The following PRKN variants were observed in gnomAD, a reference collection of about 807,000 sequenced individuals.
PRKN encodes parkin RBR E3 ubiquitin protein ligase.
In PRKN, 56 loss-of-function variants were observed where a neutral mutation model predicts 59.5. That is an observed-to-expected ratio of 0.94 (90% CI 0.76 to 1.18). The LOEUF (loss-of-function observed/expected upper bound fraction) is 1.18. Among genes scored for constraint, PRKN ranks in the 50% most tolerant of loss-of-function variants. The pLI, the probability that PRKN is intolerant of heterozygous loss-of-function variation, is 0.00. For synonymous variants in PRKN, 250 were observed against 222.1 expected (o/e 1.13, Z -1.12); for missense variants, 657 against 596.4 (o/e 1.10, Z -1.06).
intron 1 of PRKN, among the ~76,000 whole-genome samples, chr6:162,448,965 G>A (rs968268328): frequency 4.7e-5 from 7 of 150,478 alleles, no homozygotes; most frequent in African/African-American, 1.7e-4. Context: ...TCAGCTCACT[G>A]CAACCTCCGC....
intron 5 of PRKN, among the ~76,000 whole-genome samples, chr6:162,026,609 T>C (rs1429696015): frequency 1.3e-5 from 2 of 152,226 alleles, no homozygotes; most frequent in African/African-American, 4.8e-5. Context: ...AAAATGCTTT[T>C]AGTAGGGAAA....
At chr6:162,031,490 T>C (rs758427008) in intron 5 of PRKN, among the ~76,000 whole-genome samples, 2 of 152,000 alleles carry the variant, frequency 1.3e-5, no homozygotes, top group Admixed American at 6.6e-5. Context: ...AGTAAGATTA[T>C]ATTCAAAAGG....
chr6:162,499,256 C>T (rs1793250563), intron 1 of PRKN, among the ~76,000 whole-genome samples: 1 of 152,176 alleles, frequency 6.6e-6, no homozygotes, highest in African/African-American at 2.4e-5. Context: ...TCTCTCCTAA[C>T]TCCTATATGA....
intron 7 of PRKN, among the ~76,000 whole-genome samples, chr6:161,659,810 C>A (rs1784479998): frequency 6.6e-6 from 1 of 152,050 alleles, no homozygotes; most frequent in Admixed American, 6.6e-5. Flanking sequence ...CAGAAGGAGG[C>A]GGTGACTCAG....
intron 2 of PRKN, among the ~76,000 whole-genome samples, chr6:162,356,941 C>A (rs1391606385): frequency 1.3e-5 from 2 of 151,938 alleles, no homozygotes; most frequent in Non-Finnish European, 2.9e-5. Flanking sequence ...TAGAATAAAT[C>A]ATTACAGTTT....
In PRKN at chr6:161,376,263, T is replaced by C. The variant is rs145080761; in HGVS notation, c.1167+10531A>G. ...TTCGTTGGAGATTGTCAGTCTTGCA[T>C]CTTGATCGCTGGCTCCAGCCTGGAT... On this transcript the variant is annotated intron_variant, in intron 10 of 11. Coordinates refer to ENST00000366898, the MANE Select transcript of PRKN (RefSeq NM_004562.3). The surrounding 1 kb of genome is among the most constrained non-coding windows in gnomAD (Gnocchi z 7.3). 7.0e-4 allele frequency among the ~76,000 whole-genome samples: 107 copies of C among 152,228 alleles called. No homozygotes were observed. Among genetic ancestry groups the C allele is most frequent in the African/African-American group, 2.2e-3 (92 of 41,550 alleles).
chr6:161,561,541 T>G lies in PRKN; in HGVS notation c.933+7814A>C, dbSNP rs1432280347. Among the ~76,000 whole-genome samples, 1 of 152,146 alleles carries G rather than the reference T, an allele frequency of 6.6e-6. No homozygotes were observed. The highest frequency in any genetic ancestry group is 2.4e-5 in the African/African-American group (1 of 41,426). On this transcript the variant is annotated intron_variant, in intron 8 of 11. Transcript: ENST00000366898. This position sits in a 1 kb window ranked among gnomAD's most constrained non-coding sequence, Gnocchi z 5.0. ...GAGCCATCATACTGCATCTCTCCTC[T>G]TCACATCCCTGCAACTATGAACACA... is the stretch of plus-strand genomic sequence containing the variant.
chr6:162,169,115 A>G (rs762622165), intron 4 of PRKN, among the ~76,000 whole-genome samples: 5 of 152,168 alleles, frequency 3.3e-5, no homozygotes, highest in Non-Finnish European at 7.3e-5. Flanking sequence ...AGAGGTCATC[A>G]GGAAGATGAT....
At chr6:161,972,633 G>T (rs1035986414) in intron 6 of PRKN, among the ~76,000 whole-genome samples, 1 of 152,228 alleles carries the variant, frequency 6.6e-6, no homozygotes, top group African/African-American at 2.4e-5. Flanking sequence ...GAATGTGTGC[G>T]AAGCCTCAGC....
chr6:162,704,405 T>C (rs919834506), intron 1 of PRKN, among the ~76,000 whole-genome samples: 11 of 152,164 alleles, frequency 7.2e-5, no homozygotes, highest in African/African-American at 2.7e-4. Flanking sequence ...AACCAGGTCA[T>C]CACCAATCAA....
intron 6 of PRKN, among the ~76,000 whole-genome samples, chr6:161,875,477 G>A (rs1448959084): frequency 1.3e-5 from 2 of 152,042 alleles, no homozygotes; most frequent in Admixed American, 6.6e-5. Flanking sequence ...ACAGGCGTGA[G>A]CCACTGTGCC....
In PRKN at chr6:162,436,176, CAAAAAA is replaced by C. The variant is rs35792526; in HGVS notation, c.171+7128_171+7133del. ...AGGCGACAGAGTAAGACTCCATCTCCAAAAAAAAAAAAAAAAAAAAAAAAAAAATTT... is the reference window on the plus strand; with the variant it reads ...AGGCGACAGAGTAAGACTCCATCTCCAAAAAAAAAAAAAAAAAAAAAATTT... On this transcript the variant is annotated intron_variant, in intron 2 of 11. Transcript: ENST00000366898. Among the ~76,000 whole-genome samples, 5 of 54,708 alleles carry C rather than the reference CAAAAAA, an allele frequency of 9.1e-5. No homozygotes were observed. In the East Asian group the frequency reaches 1.8e-3, roughly 19 times the overall value. The allele number at this position is 54,708 out of a possible 152,430, so 35.9% of individuals were successfully genotyped here.
intron 3 of PRKN, among the ~76,000 whole-genome samples, chr6:162,261,923 A>G (rs1779904554): frequency 6.6e-6 from 1 of 152,190 alleles, no homozygotes; most frequent in African/African-American, 2.4e-5. Context: ...AGGCCATACC[A>G]GCCCACAACT....
At chr6:162,727,315 A>AGGTGAGGGGCGGCGGCGGGGCGCC in intron 1 of PRKN, 2 of 347,814 alleles carry the variant, frequency 5.8e-6, no homozygotes, top group Non-Finnish European at 1.0e-5. Context: ...GGCGGGGCGA[A>AGGTGAGGGGCGGCGGCGGGGCGCC]GGTGAGGGGC....
intron 4 of PRKN, among the ~76,000 whole-genome samples, chr6:162,119,799 T>C (rs1780828827): frequency 6.6e-6 from 1 of 152,148 alleles, no homozygotes; most frequent in Non-Finnish European, 1.5e-5. Flanking sequence ...CAGCTTTGTC[T>C]GAATCTATTT....
At chr6:162,671,296 C>T (rs1030979686) in intron 1 of PRKN, among the ~76,000 whole-genome samples, 2 of 151,994 alleles carry the variant, frequency 1.3e-5, no homozygotes, top group Admixed American at 6.6e-5. Flanking sequence ...GTCAGGAGAT[C>T]GAGACCATCC....
chr6:161,914,144 T>C (rs1187827489), intron 6 of PRKN, among the ~76,000 whole-genome samples: 1 of 152,220 alleles, frequency 6.6e-6, no homozygotes, highest in East Asian at 1.9e-4. Context: ...AAATTCTACA[T>C]GTCTACCCTT....
intron 5 of PRKN, among the ~76,000 whole-genome samples, chr6:162,025,312 A>C (rs551900094): frequency 7.5e-4 from 114 of 152,126 alleles, no homozygotes; most frequent in African/African-American, 2.6e-3. Context: ...CTGTATTTTT[A>C]AATTATGTAT....
At chr6:161,839,336 G>A (rs184265702) in intron 6 of PRKN, among the ~76,000 whole-genome samples, 77 of 152,214 alleles carry the variant, frequency 5.1e-4, no homozygotes, top group African/African-American at 1.7e-3. Flanking sequence ...GTGCACGTGG[G>A]GATAAGGCTG....
Sources: gnomAD v4.1 joint callset for allele counts (sites outside exome capture counted in the v4.1 genomes callset) on GRCh38, gnomAD v4.1.1 for gene constraint, Gnocchi (gnomAD v3.1) non-coding constraint, MANE v1.5 for transcripts, NCBI Gene and HGNC (gene_info 2026-07-23, HGNC 2026-07-21) for gene names.